SIAH3: variants seen among roughly 807,000 people sequenced by gnomAD.
The protein encoded by SIAH3 is seven in absentia homolog 3.
SIAH3 carries 9 observed loss-of-function variants against 12.6 expected under a neutral mutation model. That is an observed-to-expected ratio of 0.72 (90% confidence interval 0.43 to 1.25). SIAH3 has a LOEUF of 1.25. SIAH3 is among the 50% of genes most tolerant of loss of function. The pLI is 0.00. For synonymous variants in SIAH3, 154 were observed against 151.1 expected (o/e 1.02, Z -0.14); for missense variants, 390 against 365.4 (o/e 1.07, Z -0.55).
At position 45,786,519 on chromosome 13, in the gene SIAH3, ACT is replaced by A. The variant is rs140936657; in HGVS notation, c.136-2464_136-2463del. On this transcript the variant is annotated intron_variant, in intron 1 of 1. Transcript: ENST00000400405. ...AAGTTCACAGGCTGGAGGTCGAAAGACTCTAATCTGTTTCACTGTTTACGTGT... is the reference window on the plus strand; with the variant it reads ...AAGTTCACAGGCTGGAGGTCGAAAGACTAATCTGTTTCACTGTTTACGTGT... Among the ~76,000 whole-genome samples, 1,221 of 152,056 alleles carry A rather than the reference ACT, an allele frequency of 8.0e-3. 17 individuals are homozygous for A. Among genetic ancestry groups the A allele is most frequent in the African/African-American group, 0.026 (1,059 of 41,468 alleles).
intron 1 of SIAH3, among the ~76,000 whole-genome samples, chr13:45,813,902 A>AT (rs112158242): frequency 1.8e-3 from 274 of 152,202 alleles, no homozygotes; most frequent in African/African-American, 6.2e-3. Flanking sequence ...AAACATTCCA[A>AT]AGGGGTTAAG....
rs1950496050 is a variant in SIAH3, at chr13:45,779,534, T to G, written c.*3849A>C. The G allele has an allele frequency of 6.6e-6, 1 of 152,222 alleles. No homozygotes were observed. Among genetic ancestry groups the G allele is most frequent in the Non-Finnish European group, 1.5e-5 (1 of 68,042 alleles). 9.4% of individuals were successfully genotyped at this position (152,222 alleles called of 1,614,324 possible). Reference sequence around the variant, plus strand: ...ATGTTCATAGAAATGACATGGTTGCTGTTGGTCAGAAGCCATACGTACCCG... The same window carrying G: ...ATGTTCATAGAAATGACATGGTTGCGGTTGGTCAGAAGCCATACGTACCCG... On this transcript the variant is annotated 3_prime_UTR_variant, in exon 2 of 2. Transcript: ENST00000400405.
At chr13:45,802,823 G>C (rs1329951791) in intron 1 of SIAH3, among the ~76,000 whole-genome samples, 1 of 152,198 alleles carries the variant, frequency 6.6e-6, no homozygotes, top group African/African-American at 2.4e-5. Flanking sequence ...TGTAATCCCA[G>C]TACTTTGGGA....
intron 1 of SIAH3, among the ~76,000 whole-genome samples, chr13:45,816,096 G>A (rs1341316441): frequency 2.0e-5 from 3 of 152,242 alleles, no homozygotes; most frequent in Admixed American, 1.3e-4. Context: ...GGCAGATGGA[G>A]GCACGATTGG....
chr13:45,789,591 G>A (rs1950539669), intron 1 of SIAH3, among the ~76,000 whole-genome samples: 1 of 152,130 alleles, frequency 6.6e-6, no homozygotes, highest in South Asian at 2.1e-4. Flanking sequence ...ATTTTTAGTA[G>A]GGACGGGGTT....
intron 1 of SIAH3, among the ~76,000 whole-genome samples, chr13:45,803,700 T>C (rs1310143517): frequency 1.3e-5 from 2 of 152,050 alleles, no homozygotes; most frequent in African/African-American, 4.8e-5. Context: ...GTGAGAATGA[T>C]GAGAAATTAC....
At chr13:45,795,213 G>A (rs1950558566) in intron 1 of SIAH3, among the ~76,000 whole-genome samples, 1 of 152,174 alleles carries the variant, frequency 6.6e-6, no homozygotes, top group Admixed American at 6.5e-5. Flanking sequence ...TTCCCAGAGT[G>A]GGTACAGAAG....
At chr13:45,814,713 A>G (rs1000162530) in intron 1 of SIAH3, among the ~76,000 whole-genome samples, 2 of 136,506 alleles carry the variant, frequency 1.5e-5, no homozygotes, top group Middle Eastern at 3.7e-3. Context: ...TGCAAAAGTA[A>G]TTGCGGGTTT....
intron 1 of SIAH3, among the ~76,000 whole-genome samples, chr13:45,836,330 G>A (rs1045004229): frequency 2.6e-5 from 4 of 152,152 alleles, no homozygotes; most frequent in Admixed American, 6.5e-5. Flanking sequence ...GTGATAGACT[G>A]GGTAAAGAAA....
chr13:45,806,134 C>T (rs993502716), intron 1 of SIAH3, among the ~76,000 whole-genome samples: 4 of 152,128 alleles, frequency 2.6e-5, no homozygotes, highest in African/African-American at 7.2e-5. Flanking sequence ...TAAATTAGTT[C>T]AGCCACTGTG....
chr13:45,813,600 A>G (rs1950623743), intron 1 of SIAH3, among the ~76,000 whole-genome samples: 1 of 152,244 alleles, frequency 6.6e-6, no homozygotes, highest in Non-Finnish European at 1.5e-5. Context: ...AGTTTCTGCC[A>G]TTTAAAAGTA....
intron 1 of SIAH3, among the ~76,000 whole-genome samples, chr13:45,840,795 T>A (rs1950737316): frequency 6.6e-6 from 1 of 152,212 alleles, no homozygotes; most frequent in African/African-American, 2.4e-5. Flanking sequence ...AGTTGTTTGT[T>A]GTGAAAAGTA....
chr13:45,846,084 C>CATTT (rs1950758931), intron 1 of SIAH3, among the ~76,000 whole-genome samples: 1 of 85,704 alleles, frequency 1.2e-5, no homozygotes, highest in Non-Finnish European at 2.0e-5. Context: ...GACCTAACTT[C>CATTT]TTTTTTTTTT....
chr13:45,830,634 G>T (rs1436709149), intron 1 of SIAH3, among the ~76,000 whole-genome samples: 1 of 152,190 alleles, frequency 6.6e-6, no homozygotes, highest in Non-Finnish European at 1.5e-5. Context: ...CTCTTCACTG[G>T]TGCTTACCTT....
intron 1 of SIAH3, among the ~76,000 whole-genome samples, chr13:45,830,574 A>G (rs904917513): frequency 6.6e-6 from 1 of 152,222 alleles, no homozygotes; most frequent in African/African-American, 2.4e-5. Context: ...TCAAGAGGCA[A>G]CTTGCTTCAT....
chr13:45,815,530 CAT>C (rs972377522), intron 1 of SIAH3, among the ~76,000 whole-genome samples: 3 of 152,170 alleles, frequency 2.0e-5, no homozygotes, highest in Non-Finnish European at 2.9e-5. Context: ...TCTTTATATA[CAT>C]GTGTGTGTGC....
chr13:45,784,411 T>TTG (rs1566085958), intron 1 of SIAH3, among the ~76,000 whole-genome samples: 1 of 150,094 alleles, frequency 6.7e-6, no homozygotes, highest in African/African-American at 2.5e-5. Context: ...TTTTTTTTTT[T>TTG]TTTTTTTTTT....
chr13:45,803,616 T>C (rs955514288), intron 1 of SIAH3, among the ~76,000 whole-genome samples: 3 of 152,106 alleles, frequency 2.0e-5, no homozygotes, highest in African/African-American at 7.2e-5. Flanking sequence ...CAAAAAGCAA[T>C]AGAATTCAGC....
chr13:45,847,725 G>C (rs9534237), intron 1 of SIAH3, among the ~76,000 whole-genome samples: 61,490 of 151,640 alleles, frequency 0.41, 13,161 homozygotes, highest in Admixed American at 0.55. Context: ...GGAGGTATCA[G>C]AGAGGGCCTC....
Sources: allele counts gnomAD v4.1 joint callset (sites outside exome capture counted in the v4.1 genomes callset), GRCh38; gene constraint gnomAD v4.1.1; transcripts MANE v1.5; gene names NCBI Gene and HGNC (gene_info 2026-07-23, HGNC 2026-07-21).